DENR: variants seen among roughly 807,000 people sequenced by gnomAD.
DENR encodes density-regulated protein.
A neutral mutation model predicts 30.6 loss-of-function variants in DENR; 6 were observed. That is an observed-to-expected ratio of 0.20 (90% CI 0.11 to 0.39). DENR has a LOEUF of 0.39. Ranked by LOEUF, DENR falls within the 10% of genes least tolerant of loss-of-function variation. The pLI is 1.00. For synonymous variants in DENR, 78 were observed against 72.1 expected, an observed-to-expected ratio of 1.08 and a Z score of -0.41; for missense variants, 141 against 230.9, an observed-to-expected ratio of 0.61 and a Z score of 2.52.
chr12:122,754,435 G>A (rs1417229197), intron 2 of DENR: 1 of 153,018 alleles, frequency 6.5e-6, no homozygotes, highest in African/African-American at 2.4e-5. Context: ...TGTAAATGCT[G>A]TATGTATTCG....
Position 122,762,748 on chromosome 12 carries a change from T to C in DENR, c.127-97T>C, listed in dbSNP as rs1878735929. The C allele has an allele frequency of 1.1e-5, 9 of 814,568 alleles. No homozygotes were observed. In the East Asian group the frequency reaches 2.5e-4, roughly 22 times the overall value. 50.5% of individuals were successfully genotyped at this position (814,568 alleles called of 1,614,324 possible). On this transcript the variant is annotated intron_variant, in intron 3 of 7. Transcript: ENST00000280557. ...GTCAGATGGGAGTGGTTTGTTTTAT[T>C]CTTTGTATTAACAAGTATAGGGGGT...
intron 2 of DENR, among the ~76,000 whole-genome samples, chr12:122,755,388 G>C (rs1878520925): frequency 6.6e-6 from 1 of 152,082 alleles, no homozygotes; most frequent in Non-Finnish European, 1.5e-5. Context: ...GACCAGCCTG[G>C]CCAACATAGT....
chr12:122,759,045 AT>A (rs1878627305), intron 2 of DENR, among the ~76,000 whole-genome samples: 1 of 151,800 alleles, frequency 6.6e-6, no homozygotes, highest in Non-Finnish European at 1.5e-5. Context: ...GGGTTTCACC[AT>A]GTTGGCCAGG....
chr12:122,760,218 C>G (rs1878658778), intron 2 of DENR, among the ~76,000 whole-genome samples: 1 of 152,178 alleles, frequency 6.6e-6, no homozygotes, highest in Non-Finnish European at 1.5e-5. Flanking sequence ...GTTATGTACT[C>G]TAAGCCTCAG....
At chr12:122,753,167 T>C (rs938840818) in intron 1 of DENR, among the ~76,000 whole-genome samples, 1 of 152,146 alleles carries the variant, frequency 6.6e-6, no homozygotes, top group Non-Finnish European at 1.5e-5. Context: ...TCTCTCCTCA[T>C]CCTTCTTACG....
intron 5 of DENR, among the ~76,000 whole-genome samples, chr12:122,766,043 G>A (rs1382716071): frequency 1.3e-5 from 2 of 148,260 alleles, no homozygotes; most frequent in Non-Finnish European, 3.0e-5. Flanking sequence ...TTAGGACTTT[G>A]CATCTTCAAA....
At position 122,753,725 on chromosome 12, in the gene DENR, C is replaced by G. The variant is rs764714925; in HGVS notation, c.24C>G (p.Ser8=). The G allele has an allele frequency of 4.3e-6, 7 of 1,613,958 alleles. No individual in the cohort carries two copies. In the East Asian group the frequency reaches 1.6e-4, roughly 36 times the overall value. Residue 8 remains serine (S), a synonymous_variant, in exon 2 of 8, where the codon TCC becomes TCG. Coordinates refer to ENST00000280557, the MANE Select transcript of DENR (RefSeq NM_003677.5). MAADISE[S]SGADCKGDPR... is the part of the protein sequence containing the mutation. ...AAATGGCTGCTGACATTTCTGAATCCAGCGGGGCTGACTGCAAAGGAGACC... is the reference window on the plus strand; with the variant it reads ...AAATGGCTGCTGACATTTCTGAATCGAGCGGGGCTGACTGCAAAGGAGACC...
At chr12:122,753,581 A>G (rs1878471727) in intron 1 of DENR, 112 bp from the exon 2 acceptor site, 1 of 763,818 alleles carries the variant, frequency 1.3e-6, no homozygotes, top group Non-Finnish European at 2.2e-6. Context: ...CCCCCACTCA[A>G]CAACAGACTT....
At chr12:122,753,019 G>C (rs1030844228) in intron 1 of DENR, 69 bp downstream of exon 1, 1 of 152,920 alleles carries the variant, frequency 6.5e-6, no homozygotes, top group African/African-American at 2.4e-5. Context: ...CTGAGATGCT[G>C]CCTGGCGGAA....
At chr12:122,760,418 C>A (rs1451825625) in intron 2 of DENR, among the ~76,000 whole-genome samples, 1 of 152,132 alleles carries the variant, frequency 6.6e-6, no homozygotes, top group African/African-American at 2.4e-5. Context: ...CACTGAACTA[C>A]TCCATTCTAA....
At position 122,763,102 on chromosome 12, in the gene DENR, T is replaced by TA. The variant is rs1435794020; in HGVS notation, c.211+174dup. On this transcript the variant is annotated intron_variant, in intron 4 of 7. Coordinates refer to ENST00000280557, the MANE Select transcript of DENR (RefSeq NM_003677.5). ...GGATAGGTCTGAATATCAACTTTCTTACATAAAAAAGTAAATGGGCCGGGC... is the reference window on the plus strand; with the variant it reads ...GGATAGGTCTGAATATCAACTTTCTTAACATAAAAAAGTAAATGGGCCGGGC... 11 of 537,642 alleles carry TA rather than the reference T, an allele frequency of 2.0e-5. No individual in the cohort carries two copies. In the East Asian group the frequency reaches 3.7e-4, roughly 18 times the overall value. 33.3% of individuals were successfully genotyped at this position (537,642 alleles called of 1,614,324 possible).
In DENR at chr12:122,771,005, A is replaced by G; in HGVS notation, c.*1927A>G. ...TAGCAAATGCAGTTACAATCCATAG[A>G]TAGCCAGCAGTGGATGTTACTCCAG... is the stretch of plus-strand genomic sequence containing the variant. On this transcript the variant is annotated 3_prime_UTR_variant, in exon 8 of 8. Coordinates refer to ENST00000280557, the MANE Select transcript of DENR (RefSeq NM_003677.5). 1 of 343,400 alleles carries G rather than the reference A, an allele frequency of 2.9e-6. No homozygotes were observed. The highest frequency in any genetic ancestry group is 5.2e-6 in the Non-Finnish European group (1 of 192,094). The allele number at this position is 343,400 out of a possible 1,614,324, so 21.3% of individuals were successfully genotyped here.
At chr12:122,762,317 G>A in intron 3 of DENR, 111 bp downstream of exon 3, 1 of 758,472 alleles carries the variant, frequency 1.3e-6, no homozygotes, top group Non-Finnish European at 2.1e-6. Context: ...TGATAGTAAA[G>A]CTTTAACCTT....
Position 122,769,162 on chromosome 12 carries a change from A to G in DENR, c.*84A>G, listed in dbSNP as rs1364395265. The G allele has an allele frequency of 4.1e-6, 5 of 1,234,242 alleles. No homozygotes were observed. The highest frequency in any genetic ancestry group is 3.1e-5 in the East Asian group (1 of 32,068). The allele number at this position is 1,234,242 out of a possible 1,614,324, so 76.5% of individuals were successfully genotyped here. On this transcript the variant is annotated 3_prime_UTR_variant, in exon 8 of 8. Coordinates refer to ENST00000280557, the MANE Select transcript of DENR (RefSeq NM_003677.5). ...GAGAGGCCTTTTAAAATATATATAT[A>G]TATACACATATATATGTATATATAC...
At chr12:122,754,584 C>T (rs184055562) in intron 2 of DENR, among the ~76,000 whole-genome samples, 27 of 152,256 alleles carry the variant, frequency 1.8e-4, no homozygotes, top group African/African-American at 6.3e-4. Context: ...GTGAATAAGT[C>T]AGAAGATCCT....
chr12:122,767,802 G>A, intron 6 of DENR, among the ~76,000 whole-genome samples, 198 bp downstream of exon 6: 1 of 152,168 alleles, frequency 6.6e-6, no homozygotes, highest in East Asian at 1.9e-4. Context: ...TTGTAGAGGG[G>A]ACTTTTTACT....
rs1401925572 is a variant in DENR, at chr12:122,768,828, C to T, written c.459C>T (p.Ser153=). 6.2e-7 allele frequency: 1 copy of T among 1,604,366 alleles called. No homozygotes were observed. ...EAQRFFAQKF[S]CGASVTGEDE... Reference sequence around the variant, plus strand: ...AAAGATTTTTTGCTCAAAAATTCTCCTGTGGTGCCTCAGTAACAGGGGAGG... The same window carrying T: ...AAAGATTTTTTGCTCAAAAATTCTCTTGTGGTGCCTCAGTAACAGGGGAGG... Residue 153 remains serine (S), a synonymous_variant, in exon 7 of 8, where the codon TCC becomes TCT. Coordinates refer to ENST00000280557, the MANE Select transcript of DENR (RefSeq NM_003677.5).
chr12:122,762,971 G>A, intron 4 of DENR, 42 bp downstream of exon 4: 1 of 1,086,254 alleles, frequency 9.2e-7, no homozygotes, highest in Non-Finnish European at 1.4e-6. Context: ...CTGTACCTGA[G>A]ACAAATGCAT....
intron 2 of DENR, among the ~76,000 whole-genome samples, chr12:122,761,907 T>C (rs980205240): frequency 2.6e-5 from 4 of 152,232 alleles, no homozygotes; most frequent in Non-Finnish European, 5.9e-5. Context: ...GAAATGGTTA[T>C]GGTAAGACCT....
Sources: gnomAD v4.1 joint callset for allele counts (sites outside exome capture counted in the v4.1 genomes callset) on GRCh38, gnomAD v4.1.1 for gene constraint, MANE v1.5 for transcripts, NCBI Gene and HGNC (gene_info 2026-07-23, HGNC 2026-07-21) for gene names.